The following CDC27 variants were observed in gnomAD, a reference collection of about 807,000 sequenced individuals.
The protein encoded by CDC27 is cell division cycle 27, also known as cell division cycle protein 27 homolog.
Under a neutral mutation model 109.7 loss-of-function variants are expected in CDC27, and 27 were observed. The ratio of observed to expected loss-of-function variants is 0.25; its 90% CI spans 0.18 to 0.34. The LOEUF (loss-of-function observed/expected upper bound fraction) is 0.34, where lower values mean the gene tolerates loss of function less well. CDC27 is among the 10% of genes least tolerant of loss of function. The probability of loss-of-function intolerance (pLI) is 1.00; values close to 1 mark genes in which losing one functional copy is unlikely to be tolerated. For missense variants in CDC27, 579 were observed against 960.2 expected (o/e 0.60, Z 5.25); for synonymous variants, 266 against 333.9 (o/e 0.80, Z 2.22).
Position 47,189,290 on chromosome 17 carries a change from C to T in CDC27, c.-118G>A. 1 of 798,872 alleles carries T rather than the reference C, an allele frequency of 1.3e-6. No individual in the cohort carries two copies. Among genetic ancestry groups the T allele is most frequent in the South Asian group, 1.4e-5 (1 of 70,562 alleles). The allele number at this position is 798,872 out of a possible 1,614,324, so 49.5% of individuals were successfully genotyped here. A position where few individuals can be genotyped will look rare whatever the true frequency, so the allele number is the denominator to read the frequency against. Reference sequence around the variant, plus strand: ...GACCGTTACCGGGGGATGGGGGAGGCCGAGCGATTGCCGAGTGCTTCCGAG... The same window carrying T: ...GACCGTTACCGGGGGATGGGGGAGGTCGAGCGATTGCCGAGTGCTTCCGAG... On this transcript the variant is annotated 5_prime_UTR_variant, in exon 1 of 19. Coordinates refer to ENST00000066544, the MANE Select transcript of CDC27 (RefSeq NM_001256.6).
At chr17:47,152,315 G>GA (rs1568411328) in intron 8 of CDC27, among the ~76,000 whole-genome samples, 2 of 151,814 alleles carry the variant, frequency 1.3e-5, no homozygotes, top group Admixed American at 6.6e-5. Flanking sequence ...ATTATACACA[G>GA]AAAAAAATAA....
chr17:47,166,437 C>T (rs151137179), intron 4 of CDC27, among the ~76,000 whole-genome samples: 11 of 152,256 alleles, frequency 7.2e-5, no homozygotes, highest in African/African-American at 2.2e-4. Context: ...TCACTGTCCT[C>T]AGGGTAGGTA....
At chr17:47,152,696 C>T (rs1481845851) in intron 8 of CDC27, among the ~76,000 whole-genome samples, 1 of 152,142 alleles carries the variant, frequency 6.6e-6, no homozygotes, top group Non-Finnish European at 1.5e-5. Context: ...CCTCAAACTG[C>T]ATATTATAAA....
intron 1 of CDC27, among the ~76,000 whole-genome samples, chr17:47,185,185 CTCT>C (rs1171099565): frequency 6.6e-6 from 1 of 151,802 alleles, no homozygotes; most frequent in Non-Finnish European, 1.5e-5. Flanking sequence ...ATAAATTTTT[CTCT>C]TTTTTTTTGA....
intron 17 of CDC27, among the ~76,000 whole-genome samples, chr17:47,123,401 ACT>A (rs2062034362): frequency 2.0e-5 from 2 of 97,708 alleles, no homozygotes; most frequent in African/African-American, 3.7e-5. Flanking sequence ...TTTTTTTTCT[ACT>A]TTTTTTTTTT....
chr17:47,151,720 C>G, intron 9 of CDC27, 86 bp downstream of exon 9: 1 of 1,026,636 alleles, frequency 9.7e-7, no homozygotes, highest in East Asian at 2.7e-5. Flanking sequence ...CTAGAATCCA[C>G]GAGAGTCACT....
chr17:47,176,841 T>C (rs2064032623), intron 2 of CDC27, among the ~76,000 whole-genome samples: 1 of 152,210 alleles, frequency 6.6e-6, no homozygotes, highest in South Asian at 2.1e-4. Context: ...GGCCTCAAAA[T>C]GATACATTAT....
At position 47,123,157 on chromosome 17, in the gene CDC27, C is replaced by CACT. The variant is rs1295228389; in HGVS notation, c.2236-560_2236-558dup. On this transcript the variant is annotated intron_variant, in intron 17 of 18. Coordinates refer to ENST00000066544, the MANE Select transcript of CDC27 (RefSeq NM_001256.6). Reference sequence around the variant, plus strand: ...CAGGTAGTAAGTTTCCAATAAATATCACTCTGACTGGAGCAATGATAATGG... The same window carrying CACT: ...CAGGTAGTAAGTTTCCAATAAATATCACTACTCTGACTGGAGCAATGATAATGG... Among the ~76,000 whole-genome samples, 6 of 152,216 alleles carry CACT rather than the reference C, an allele frequency of 3.9e-5. No homozygotes were observed. In the East Asian group the frequency reaches 1.2e-3, roughly 29 times the overall value.
intron 15 of CDC27, 71 bp downstream of exon 15, chr17:47,132,186 C>T: frequency 1.3e-6 from 1 of 762,530 alleles, no homozygotes; most frequent in Non-Finnish European, 2.1e-6. Flanking sequence ...TTTATCACAG[C>T]AATTAAATCA....
intron 1 of CDC27, among the ~76,000 whole-genome samples, chr17:47,188,285 TAC>T (rs1018860055): frequency 2.0e-5 from 3 of 152,056 alleles, no homozygotes; most frequent in Non-Finnish European, 4.4e-5. Flanking sequence ...GCACAAAAGA[TAC>T]AGTTTCTCCA....
chr17:47,155,230 G>T (rs2063266925), intron 7 of CDC27, among the ~76,000 whole-genome samples: 2 of 152,100 alleles, frequency 1.3e-5, no homozygotes, highest in Admixed American at 6.5e-5. Context: ...CTGATTCATA[G>T]AATTTCTTCT....
At chr17:47,188,964 AG>A in intron 1 of CDC27, 181 bp downstream of exon 1, 11 of 1,454,286 alleles carry the variant, frequency 7.6e-6, no homozygotes, top group Non-Finnish European at 1.0e-5. Flanking sequence ...GTAGGGCCAG[AG>A]GTAACACGGC....
chr17:47,159,925 A>G, intron 4 of CDC27: 1 of 383,954 alleles, frequency 2.6e-6, no homozygotes, highest in South Asian at 2.0e-5. Flanking sequence ...TGCCTCCACG[A>G]GCTCCGTGGC....
At chr17:47,122,090 G>A (rs1426746935) in intron 18 of CDC27, among the ~76,000 whole-genome samples, 1 of 151,920 alleles carries the variant, frequency 6.6e-6, no homozygotes, top group Non-Finnish European at 1.5e-5. Context: ...TGGAACAAAG[G>A]CATCTAATCA....
In CDC27 at chr17:47,189,295, C is replaced by A. The variant is rs796913486; in HGVS notation, c.-123G>T. On this transcript the variant is annotated 5_prime_UTR_variant, in exon 1 of 19. Transcript: ENST00000066544. ...TTACCGGGGGATGGGGGAGGCCGAG[C>A]GATTGCCGAGTGCTTCCGAGCGGGA... 2.6e-6 allele frequency: 2 copies of A among 778,456 alleles called. No homozygotes were observed. Among genetic ancestry groups the A allele is most frequent in the South Asian group, 2.9e-5 (2 of 69,532 alleles). 48.2% of individuals were successfully genotyped at this position (778,456 alleles called of 1,614,324 possible). A position where few individuals can be genotyped will look rare whatever the true frequency, so the allele number is the denominator to read the frequency against.
intron 2 of CDC27, among the ~76,000 whole-genome samples, chr17:47,175,251 T>G (rs1341678367): frequency 6.6e-6 from 1 of 152,194 alleles, no homozygotes; most frequent in Non-Finnish European, 1.5e-5. Context: ...GGTAAATTAG[T>G]CTTTCAAAGC....
At chr17:47,188,459 T>C (rs1489073397) in intron 1 of CDC27, among the ~76,000 whole-genome samples, 1 of 152,056 alleles carries the variant, frequency 6.6e-6, no homozygotes. Flanking sequence ...GAATGCCTTA[T>C]AAACATGCAC....
intron 9 of CDC27, among the ~76,000 whole-genome samples, chr17:47,149,870 G>C (rs2063101738): frequency 6.6e-6 from 1 of 152,136 alleles, no homozygotes; most frequent in Admixed American, 6.5e-5. Flanking sequence ...CAGTAGCATT[G>C]CTTGAACTGG....
At chr17:47,153,251 G>T (rs1483275975) in intron 8 of CDC27, among the ~76,000 whole-genome samples, 2 of 152,204 alleles carry the variant, frequency 1.3e-5, no homozygotes, top group African/African-American at 4.8e-5. Flanking sequence ...GAGAACAGAG[G>T]CAGAAGAGGA....
Sources: allele counts gnomAD v4.1 joint callset (sites outside exome capture counted in the v4.1 genomes callset), GRCh38; gene constraint gnomAD v4.1.1; transcripts MANE v1.5; gene names NCBI Gene and HGNC (gene_info 2026-07-23, HGNC 2026-07-21).